TNKS2: variants seen among roughly 807,000 people sequenced by gnomAD.
TNKS2 encodes the protein poly [ADP-ribose] polymerase tankyrase-2.
TNKS2 carries 72 observed loss-of-function variants against 137.6 expected under a neutral mutation model. That is an observed-to-expected ratio of 0.52 (90% CI 0.43 to 0.64). The LOEUF is 0.64. TNKS2 is among the 30% of genes least tolerant of loss of function. The pLI is 0.00. For missense variants in TNKS2, 1,049 were observed against 1,410.2 expected (o/e 0.74, Z 4.10); for synonymous variants, 516 against 512.1 (o/e 1.01, Z -0.10).
chr10:91,817,654 A>G (rs1844752921), intron 3 of TNKS2, among the ~76,000 whole-genome samples: 1 of 152,004 alleles, frequency 6.6e-6, no homozygotes, highest in Non-Finnish European at 1.5e-5. Context: ...TTTTTAATGT[A>G]TTTTAATTTT....
intron 16 of TNKS2, among the ~76,000 whole-genome samples, chr10:91,842,809 A>C (rs1230896479): frequency 6.6e-6 from 1 of 152,168 alleles, no homozygotes; most frequent in African/African-American, 2.4e-5. Flanking sequence ...AGTATCTTCT[A>C]ATGCCACCAT....
chr10:91,829,283 T>A (rs1388275566), intron 9 of TNKS2, among the ~76,000 whole-genome samples: 5 of 149,748 alleles, frequency 3.3e-5, no homozygotes, highest in Non-Finnish European at 7.4e-5. Flanking sequence ...CTTCTAAATT[T>A]AAAAAAAAAA....
Position 91,841,443 on chromosome 10 carries a change from C to A in TNKS2, c.1834C>A (p.Leu612Ile). 6.2e-7 allele frequency: 1 copy of A among 1,601,208 alleles called. No homozygotes were observed. Among genetic ancestry groups the A allele is most frequent in the East Asian group, 2.3e-5 (1 of 44,374 alleles). The change falls in exon 15 of 27, where the codon CTC becomes ATC. Residue 612 changes from leucine to isoleucine, a missense_variant. Physicochemically the swap from Leu to Ile is conservative, Grantham distance 5. This residue lies in a region of TNKS2 where 328 missense variants were observed against 436.0 expected (regional missense o/e 0.75). Transcript: ENST00000371627. ...KGKYEICKLL[L>I]QHGADPTKKN... ...AAAATATGAAATTTGCAAACTTCTG[C>A]TCCAGGTATATTTAAATACTTAACT...
rs746526243 is a variant in TNKS2 at position 91,833,917 on chromosome 10, A to G, written c.1340A>G (p.Gln447Arg). The G allele has an allele frequency of 1.2e-6, 2 of 1,613,982 alleles. No individual in the cohort carries two copies. Among genetic ancestry groups the G allele is most frequent in the Non-Finnish European group, 1.7e-6 (2 of 1,179,906 alleles). ...AGAGCTGCATATTGTGGTCATCTACAAACCTGCCGCCTACTCCTGAGCTAT... is the reference window on the plus strand; with the variant it reads ...AGAGCTGCATATTGTGGTCATCTACGAACCTGCCGCCTACTCCTGAGCTAT... ...LHRAAYCGHL[Q>R]TCRLLLSYGC... The change falls in exon 12 of 27, where the codon CAA becomes CGA. Residue 447 changes from glutamine to arginine, a missense_variant. This residue lies in a region of TNKS2 where 328 missense variants were observed against 436.0 expected (regional missense o/e 0.75). Coordinates refer to ENST00000371627, the MANE Select transcript of TNKS2 (RefSeq NM_025235.4).
intron 12 of TNKS2, among the ~76,000 whole-genome samples, chr10:91,834,530 T>C (rs1296214494): frequency 6.6e-6 from 1 of 152,264 alleles, no homozygotes; most frequent in Non-Finnish European, 1.5e-5. Context: ...AGTATTTTTG[T>C]CTACATCTCT....
rs1845227117 is a variant in TNKS2 at position 91,830,976 on chromosome 10, G to C, written c.1158G>C (p.Leu386Phe). 5.6e-6 allele frequency: 9 copies of C among 1,612,234 alleles called. No individual in the cohort carries two copies. The highest frequency in any genetic ancestry group is 5.9e-6 in the Non-Finnish European group (7 of 1,179,728). ...YPKRKQICELLLRKGANINEK... is the reference protein window; with the variant it reads ...YPKRKQICELFLRKGANINEK... ...AAAGAAAGCAAATATGTGAACTGTT[G>C]CTAAGAAAAGGAGCAAACATCAATG... Residue 386 changes from leucine to phenylalanine, a missense_variant, in exon 10 of 27, where the codon TTG (leucine) becomes TTC (phenylalanine). Leu to Phe is a conservative substitution (Grantham distance 22). This residue lies in a region of TNKS2 where 328 missense variants were observed against 436.0 expected (regional missense o/e 0.75). Coordinates refer to ENST00000371627, the MANE Select transcript of TNKS2 (RefSeq NM_025235.4).
At chr10:91,805,215 C>G (rs1327800063) in intron 1 of TNKS2, among the ~76,000 whole-genome samples, 1 of 151,910 alleles carries the variant, frequency 6.6e-6, no homozygotes, top group Non-Finnish European at 1.5e-5. Flanking sequence ...TATTAATCTA[C>G]TGTCTCAGCA....
chr10:91,809,286 G>C (rs1201921023), intron 1 of TNKS2, among the ~76,000 whole-genome samples: 4 of 152,200 alleles, frequency 2.6e-5, no homozygotes, highest in African/African-American at 9.7e-5. Context: ...TGGGAGGAAG[G>C]CTTCACCAGC....
At chr10:91,844,805 CAT>C (rs3043645) in intron 16 of TNKS2, 112 bp from the exon 17 acceptor site, 3 of 584,870 alleles carry the variant, frequency 5.1e-6, no homozygotes, top group East Asian at 3.0e-5. Flanking sequence ...CTTATAAATA[CAT>C]ATATATATGT....
intron 13 of TNKS2, among the ~76,000 whole-genome samples, chr10:91,839,987 T>C (rs1481693550): frequency 6.6e-6 from 1 of 152,220 alleles, no homozygotes; most frequent in Non-Finnish European, 1.5e-5. Flanking sequence ...TACCTGTATA[T>C]ATATATAGTA....
chr10:91,836,991 CTG>C lies in TNKS2; in HGVS notation c.1522_1523del (p.Val508LysfsTer15). ...GCTGCAAAGGCTGGAGATGTCGAAA[CTG>C]TAAAAGTAAGATACAGTGTTACGTT... On this transcript the variant is annotated frameshift_variant, in exon 13 of 27. Coordinates refer to ENST00000371627, the MANE Select transcript of TNKS2 (RefSeq NM_025235.4). LOFTEE classifies it high-confidence loss of function. The C allele has an allele frequency of 6.2e-7, 1 of 1,613,132 alleles. No individual in the cohort carries two copies. Among genetic ancestry groups the C allele is most frequent in the Non-Finnish European group, 8.5e-7 (1 of 1,179,540 alleles).
At chr10:91,852,572 TA>T (rs1842578469) in intron 21 of TNKS2, among the ~76,000 whole-genome samples, 1 of 152,112 alleles carries the variant, frequency 6.6e-6, no homozygotes, top group African/African-American at 2.4e-5. Flanking sequence ...AAAATAAAAA[TA>T]AAAAGGTGAA....
At chr10:91,851,189 CTAAG>C in intron 20 of TNKS2, 23 bp from the exon 21 acceptor site, 1 of 1,611,624 alleles carries the variant, frequency 6.2e-7, no homozygotes, top group Non-Finnish European at 8.5e-7. Context: ...AGTAAGCATT[CTAAG>C]TAGTTTCCTC....
At position 91,864,665 on chromosome 10, in the gene TNKS2, A is replaced by T. The variant is rs1842934355; in HGVS notation, c.*1666A>T. 6.6e-6 allele frequency: 1 copy of T among 152,612 alleles called. No homozygotes were observed. The highest frequency in any genetic ancestry group is 1.5e-5 in the Non-Finnish European group (1 of 68,028). The allele number at this position is 152,612 out of a possible 1,614,324, so 9.5% of individuals were successfully genotyped here. A position where few individuals can be genotyped will look rare whatever the true frequency, so the allele number is the denominator to read the frequency against. On this transcript the variant is annotated 3_prime_UTR_variant, in exon 27 of 27. Coordinates refer to ENST00000371627, the MANE Select transcript of TNKS2 (RefSeq NM_025235.4). ...ATTATGATCATTATTTAAGAAGTCA[A>T]ATCCTGATCTTGAAGTGCTTTTTAT...
chr10:91,828,411 T>C lies in TNKS2; in HGVS notation c.1104+5T>C. 4 of 1,556,822 alleles carry C rather than the reference T, an allele frequency of 2.6e-6. No individual in the cohort carries two copies. The highest frequency in any genetic ancestry group is 3.5e-6 in the Non-Finnish European group (4 of 1,155,864). ...CAAACACATGAAACAGCATTGGTAATGTTTCAGATTTAAGTTTTTAAAATA... is the reference window on the plus strand; with the variant it reads ...CAAACACATGAAACAGCATTGGTAACGTTTCAGATTTAAGTTTTTAAAATA... On this transcript the variant is annotated splice_donor_5th_base_variant and intron_variant, in intron 9 of 26. Transcript: ENST00000371627.
chr10:91,819,978 A>G lies in TNKS2; in HGVS notation c.673A>G (p.Lys225Glu). Residue 225 changes from lysine (K) to glutamate (E), a missense_variant, in exon 6 of 27, where the codon AAG (lysine) becomes GAG (glutamate). Transcript: ENST00000371627. ...LHLAAGYNRV[K>E]IVQLLLQHGA... ...TTTGGCAGCAGGATATAACAGAGTA[A>G]AGATTGTACAGCTGTTACTGCAACA... The G allele has an allele frequency of 1.3e-6, 2 of 1,593,616 alleles. No homozygotes were observed. Among genetic ancestry groups the G allele is most frequent in the East Asian group, 4.6e-5 (2 of 43,902 alleles).
In TNKS2 at chr10:91,811,490, G is replaced by T. The variant is rs80243105; in HGVS notation, c.200-1493G>T. On this transcript the variant is annotated intron_variant, in intron 1 of 26. Coordinates refer to ENST00000371627, the MANE Select transcript of TNKS2 (RefSeq NM_025235.4). ...TTTATATATACATAGCAATTATATT[G>T]TATTGAAATTTAAAATCTTCATATC... Among the ~76,000 whole-genome samples the T allele has an allele frequency of 5.6e-4, 85 of 151,958 alleles. 3 individuals are homozygous for T. The East Asian group carries it at 0.016, about 28-fold the overall frequency.
Position 91,817,136 on chromosome 10 carries a change from C to T in TNKS2, c.427C>T (p.Leu143=), listed in dbSNP as rs1273749257. Residue 143 remains leucine (L), a splice_region_variant and synonymous_variant, in exon 3 of 27, where the codon CTG becomes TTG. Coordinates refer to ENST00000371627, the MANE Select transcript of TNKS2 (RefSeq NM_025235.4). ...IKGKIDVCIV[L]LQHGAEPTIR... Reference sequence around the variant, plus strand: ...AAAATAGTGTTGCTATTTTGCAGTGCTGTTACAGCATGGAGCTGAGCCAAC... The same window carrying T: ...AAAATAGTGTTGCTATTTTGCAGTGTTGTTACAGCATGGAGCTGAGCCAAC... 1.9e-6 allele frequency: 3 copies of T among 1,610,676 alleles called. No homozygotes were observed. The highest frequency in any genetic ancestry group is 2.5e-6 in the Non-Finnish European group (3 of 1,177,608).
chr10:91,801,057 A>G (rs918725183), intron 1 of TNKS2, among the ~76,000 whole-genome samples: 1 of 152,146 alleles, frequency 6.6e-6, no homozygotes, highest in Admixed American at 6.5e-5. Context: ...ATTATTTTAA[A>G]ATTTTTTTAG....
Sources: allele counts gnomAD v4.1 joint callset (sites outside exome capture counted in the v4.1 genomes callset), GRCh38; gene constraint gnomAD v4.1.1; regional missense constraint gnomAD v4.1.1; transcripts MANE v1.5; gene names NCBI Gene and HGNC (gene_info 2026-07-23, HGNC 2026-07-21).